Variants in NCAPD3 observed in about 807,000 individuals in gnomAD.
NCAPD3 encodes condensin-2 complex subunit D3.
A neutral mutation model predicts 182.9 loss-of-function variants in NCAPD3; 105 were observed. The ratio of observed to expected loss-of-function variants is 0.57; its 90% CI spans 0.49 to 0.68. The LOEUF is 0.68. NCAPD3 is among the 30% of genes least tolerant of loss of function. The probability of loss-of-function intolerance (pLI) is 0.00; values close to 1 mark genes in which losing one functional copy is unlikely to be tolerated. For missense variants in NCAPD3, 1,944 were observed against 1,837.0 expected (o/e 1.06, Z -1.07); for synonymous variants, 815 against 679.9 (o/e 1.20, Z -3.09).
intron 24 of NCAPD3, among the ~76,000 whole-genome samples, chr11:134,171,341 A>T (rs909174867): frequency 6.6e-6 from 1 of 152,188 alleles, no homozygotes; most frequent in Non-Finnish European, 1.5e-5. Context: ...TAAGAATCGA[A>T]ATCCAGGATA....
chr11:134,222,940 C>T (rs1365263861), intron 1 of NCAPD3, among the ~76,000 whole-genome samples: 1 of 152,194 alleles, frequency 6.6e-6, no homozygotes, highest in Non-Finnish European at 1.5e-5. Context: ...ATTGTACTCC[C>T]CATTTGACAG....
At position 134,184,818 on chromosome 11, in the gene NCAPD3, C is replaced by T. The variant is rs547973185; in HGVS notation, c.2336-66G>A. The T allele has an allele frequency of 0.028, 17,260 of 616,988 alleles. 647 individuals carry two copies. The highest frequency in any genetic ancestry group is 0.24 in the African/African-American group (7,385 of 30,256). The allele number at this position is 616,988 out of a possible 1,614,324, so 38.2% of individuals were successfully genotyped here. A position where few individuals can be genotyped will look rare whatever the true frequency, so the allele number is the denominator to read the frequency against. ...ATATATTCAGGTATATATACACACA[C>T]ACACACACACACACACACACACACA... On this transcript the variant is annotated intron_variant, in intron 18 of 34. Coordinates refer to ENST00000534548, the MANE Select transcript of NCAPD3 (RefSeq NM_015261.3).
intron 7 of NCAPD3, 57 bp downstream of exon 7, chr11:134,208,807 A>G (rs886889733): frequency 7.9e-6 from 9 of 1,142,406 alleles, no homozygotes; most frequent in Non-Finnish European, 1.0e-5. Flanking sequence ...TTTCCATCAT[A>G]TGGTTCATGT....
At chr11:134,193,191 T>C (rs1944560049) in intron 15 of NCAPD3, among the ~76,000 whole-genome samples, 1 of 151,936 alleles carries the variant, frequency 6.6e-6, no homozygotes, top group Admixed American at 6.6e-5. Flanking sequence ...ATAATAAATA[T>C]CCCAAAGAGC....
chr11:134,190,164 T>C lies in NCAPD3; in HGVS notation c.2045+2525A>G, dbSNP rs569994148. Among the ~76,000 whole-genome samples, 3 of 152,350 alleles carry C rather than the reference T, an allele frequency of 2.0e-5. No individual in the cohort carries two copies. The South Asian group carries it at 6.2e-4, about 32-fold the overall frequency. On this transcript the variant is annotated intron_variant, in intron 16 of 34. Coordinates refer to ENST00000534548, the MANE Select transcript of NCAPD3 (RefSeq NM_015261.3). Reference sequence around the variant, plus strand: ...GAACTTTCTTCAGTGTTACTTCTGTTCTACTGGCTCAGAAGTTACATACGA... The same window carrying C: ...GAACTTTCTTCAGTGTTACTTCTGTCCTACTGGCTCAGAAGTTACATACGA...
intron 3 of NCAPD3, among the ~76,000 whole-genome samples, chr11:134,212,329 TAAC>T (rs1435927430): frequency 6.6e-6 from 1 of 151,190 alleles, no homozygotes; most frequent in Non-Finnish European, 1.5e-5. Context: ...GTAGAAAAAA[TAAC>T]ACACAAGAGG....
At chr11:134,168,751 G>A (rs926063134) in intron 25 of NCAPD3, 149 bp from the exon 26 acceptor site, 1 of 1,379,474 alleles carries the variant, frequency 7.2e-7, no homozygotes, top group African/African-American at 1.5e-5. Flanking sequence ...GCTGCCCTTA[G>A]GAAGCGATTC....
intron 3 of NCAPD3, among the ~76,000 whole-genome samples, chr11:134,216,652 C>T (rs1478257090): frequency 6.6e-6 from 1 of 152,064 alleles, no homozygotes; most frequent in East Asian, 1.9e-4. Flanking sequence ...GAATTTTAGA[C>T]GGCCGTGGTG....
intron 13 of NCAPD3, among the ~76,000 whole-genome samples, chr11:134,201,315 A>T (rs1281248624): frequency 2.0e-5 from 3 of 152,052 alleles, no homozygotes; most frequent in African/African-American, 7.2e-5. Flanking sequence ...GTGAGCCACC[A>T]CGCCTGGCCC....
In NCAPD3 at chr11:134,206,714, G is replaced by A; in HGVS notation, c.901C>T (p.His301Tyr). The A allele has an allele frequency of 6.2e-7, 1 of 1,607,098 alleles. No individual in the cohort carries two copies. Residue 301 changes from histidine to tyrosine, a missense_variant, in exon 8 of 35, where the codon CAT becomes TAT. This residue lies in a region of NCAPD3 where 1,803 missense variants were observed against 1,674.6 expected (regional missense o/e 1.08). Coordinates refer to ENST00000534548, the MANE Select transcript of NCAPD3 (RefSeq NM_015261.3). ...ATTAATATTACACTGAGCATTTGAT[G>A]GAAAACACAACTGATGACCTAGAAG... ...EGDKVISCVFHQMLSVILMLE... is the reference protein window; with the variant it reads ...EGDKVISCVFYQMLSVILMLE...
intron 27 of NCAPD3, among the ~76,000 whole-genome samples, chr11:134,162,734 A>G (rs1382264130): frequency 6.6e-6 from 1 of 152,238 alleles, no homozygotes; most frequent in Non-Finnish European, 1.5e-5. Flanking sequence ...AGTGGCTTCC[A>G]TGCATTCACT....
intron 14 of NCAPD3, among the ~76,000 whole-genome samples, 155 bp downstream of exon 14, chr11:134,194,510 C>A (rs903590061): frequency 6.6e-6 from 1 of 152,144 alleles, no homozygotes; most frequent in South Asian, 2.1e-4. Context: ...TCTTCCAGTT[C>A]GTCTATGATT....
chr11:134,168,787 C>G (rs1001854792), intron 25 of NCAPD3, 130 bp downstream of exon 25: 2 of 1,402,232 alleles, frequency 1.4e-6, no homozygotes, highest in East Asian at 2.3e-5. Context: ...CTTACGCCAT[C>G]CTGCCAAGCC....
Position 134,194,031 on chromosome 11 carries a change from AAG to A in NCAPD3, c.1807_1808del (p.Leu603TyrfsTer2). The A allele has an allele frequency of 6.2e-7, 1 of 1,613,968 alleles. No homozygotes were observed. The stretch of plus-strand genomic sequence containing the variant: ...TGCCTCTCACCATAAGGAGTTCAGT[AAG>A]AGACTGGAGGGCCTGCTTCCGGACA... ...VSVRKQALQS[L>X]TELLMAQPRC... On this transcript the variant is annotated frameshift_variant, in exon 15 of 35. Coordinates refer to ENST00000534548, the MANE Select transcript of NCAPD3 (RefSeq NM_015261.3). LOFTEE classifies it high-confidence loss of function.
At position 134,160,085 on chromosome 11, in the gene NCAPD3, G is replaced by A. The variant is rs1230195787; in HGVS notation, c.3685-11C>T. On this transcript the variant is annotated splice_polypyrimidine_tract_variant and intron_variant, in intron 28 of 34. Coordinates refer to ENST00000534548, the MANE Select transcript of NCAPD3 (RefSeq NM_015261.3). ...ATCCTGCATCACCTCCTGAAACAGAGCCAGGAGCATCCTTTCATGTTTTCT... is the reference window on the plus strand; with the variant it reads ...ATCCTGCATCACCTCCTGAAACAGAACCAGGAGCATCCTTTCATGTTTTCT... 41 of 1,612,098 alleles carry A rather than the reference G, an allele frequency of 2.5e-5. No individual in the cohort carries two copies. The highest frequency in any genetic ancestry group is 3.4e-5 in the Non-Finnish European group (40 of 1,178,872).
At chr11:134,193,930 T>C in intron 15 of NCAPD3, 86 bp downstream of exon 15, 1 of 1,396,380 alleles carries the variant, frequency 7.2e-7, no homozygotes, top group South Asian at 1.3e-5. Context: ...AAGGTCAACT[T>C]AACGTTTAGC....
chr11:134,168,661 C>T (rs778507725), intron 25 of NCAPD3, 59 bp from the exon 26 acceptor site: 12 of 1,603,390 alleles, frequency 7.5e-6, no homozygotes, highest in East Asian at 2.2e-5. Flanking sequence ...AGGGATTTAA[C>T]ACTGCACTTT....
At chr11:134,191,887 G>A (rs189644209) in intron 16 of NCAPD3, among the ~76,000 whole-genome samples, 109 of 152,296 alleles carry the variant, frequency 7.2e-4, no homozygotes, top group Non-Finnish European at 1.0e-3. Flanking sequence ...TTTATTTTTC[G>A]CCTGCGGATG....
chr11:134,202,959 A>G, intron 12 of NCAPD3, 54 bp from the exon 13 acceptor site: 1 of 1,402,396 alleles, frequency 7.1e-7, no homozygotes, highest in East Asian at 2.3e-5. Context: ...ACTTTTAATA[A>G]CATTAGCAGG....
Sources: allele counts gnomAD v4.1 joint callset (sites outside exome capture counted in the v4.1 genomes callset), GRCh38; gene constraint gnomAD v4.1.1; regional missense constraint gnomAD v4.1.1; transcripts MANE v1.5; gene names NCBI Gene and HGNC (gene_info 2026-07-23, HGNC 2026-07-21).